Variants in CTCF observed in about 807,000 individuals in gnomAD.
CTCF encodes transcriptional repressor CTCF.
In CTCF, 7 loss-of-function variants were observed where a neutral mutation model predicts 72.3. That is an observed-to-expected ratio of 0.10 (90% CI 0.06 to 0.18). The LOEUF (loss-of-function observed/expected upper bound fraction) is 0.18, where lower values mean the gene tolerates loss of function less well. Ranked by LOEUF, CTCF falls within the 10% of genes least tolerant of loss-of-function variation. The pLI, the probability that CTCF is intolerant of heterozygous loss-of-function variation, is 1.00. For synonymous variants in CTCF, 374 were observed against 315.8 expected, an observed-to-expected ratio of 1.18 and a Z score of -1.95; for missense variants, 516 against 949.1, an observed-to-expected ratio of 0.54 and a Z score of 6.00.
rs763046858 is a variant in CTCF, at chr16:67,629,504, G to A, written c.1808G>A (p.Arg603His). Reference protein sequence around the residue: ...KSKRGRKRKMRSKKEDSSDSE... With the variant: ...KSKRGRKRKMHSKKEDSSDSE... ...AAACGTGGAAGAAAAAGAAAGATGCGCTCTAAGAAAGAAGATTCCTCTGAC... is the reference window on the plus strand; with the variant it reads ...AAACGTGGAAGAAAAAGAAAGATGCACTCTAAGAAAGAAGATTCCTCTGAC... Residue 603 changes from arginine (R) to histidine (H), a missense_variant, in exon 10 of 12, where the codon CGC becomes CAC. By Grantham distance (29) the Arg-to-His change is conservative. This residue lies in a region of CTCF where 157 missense variants were observed against 172.9 expected (regional missense o/e 0.91). Coordinates refer to ENST00000264010, the MANE Select transcript of CTCF (RefSeq NM_006565.4). The A allele has an allele frequency of 1.1e-5, 18 of 1,613,342 alleles. No homozygotes were observed. The highest frequency in any genetic ancestry group is 2.2e-5 in the East Asian group (1 of 44,860).
At chr16:67,562,821 C>T (rs2051292668) in intron 1 of CTCF, 97 bp downstream of exon 1, 1 of 149,514 alleles carries the variant, frequency 6.7e-6, no homozygotes, top group South Asian at 1.9e-4. Flanking sequence ...GGCGCCAGCG[C>T]CGCCGCCGGG....
chr16:67,564,957 C>T (rs916893968), intron 1 of CTCF, among the ~76,000 whole-genome samples: 3 of 151,812 alleles, frequency 2.0e-5, no homozygotes, highest in Non-Finnish European at 4.4e-5. Flanking sequence ...AAACAATCTA[C>T]GGAGAGAATA....
At chr16:67,633,810 A>ACACACTCT (rs1379810111) in intron 10 of CTCF, among the ~76,000 whole-genome samples, 2 of 151,678 alleles carry the variant, frequency 1.3e-5, no homozygotes, top group Non-Finnish European at 2.9e-5. Context: ...ACACACACAC[A>ACACACTCT]CACACTCTCA....
chr16:67,565,206 T>C (rs2142699174), intron 1 of CTCF, among the ~76,000 whole-genome samples: 1 of 152,116 alleles, frequency 6.6e-6, no homozygotes, highest in Admixed American at 6.5e-5. Flanking sequence ...TTCACGATGT[T>C]GGCCAGGCTG....
intron 2 of CTCF, among the ~76,000 whole-genome samples, chr16:67,586,324 C>T (rs762259970): frequency 1.3e-5 from 2 of 152,050 alleles, no homozygotes; most frequent in Non-Finnish European, 2.9e-5. Context: ...ATCACAAGGT[C>T]AAGAATTCGA....
At chr16:67,584,834 T>C (rs751178803) in intron 2 of CTCF, among the ~76,000 whole-genome samples, 4 of 152,204 alleles carry the variant, frequency 2.6e-5, no homozygotes, top group Non-Finnish European at 5.9e-5. Flanking sequence ...CAAGTGCTTA[T>C]GCCTTTTTTG....
intron 10 of CTCF, among the ~76,000 whole-genome samples, chr16:67,634,738 C>T (rs1168365316): frequency 6.7e-6 from 1 of 149,562 alleles, no homozygotes; most frequent in Non-Finnish European, 1.5e-5. Flanking sequence ...GAATCTCACT[C>T]TGTTGCCCAG....
At chr16:67,635,957 C>G (rs1290878558) in intron 10 of CTCF, among the ~76,000 whole-genome samples, 1 of 152,014 alleles carries the variant, frequency 6.6e-6, no homozygotes, top group African/African-American at 2.4e-5. Flanking sequence ...ATTGGCTGAG[C>G]ATGCTGGCTC....
Position 67,610,892 on chromosome 16 carries a change from G to A in CTCF, c.60G>A (p.Lys20=). 6.6e-7 allele frequency: 1 copy of A among 1,514,208 alleles called. No individual in the cohort carries two copies. The highest frequency in any genetic ancestry group is 1.4e-5 in the South Asian group (1 of 72,662). The allele number at this position is 1,514,208 out of a possible 1,614,324, so 93.8% of individuals were successfully genotyped here. ...AGTCCGAAACTTTTATTAAAGGAAA[G>A]GAGAGAAAGACTTACCAGAGACGCC... The part of the protein sequence containing the change: ...VEESETFIKG[K]ERKTYQRRRE... Residue 20 remains lysine (K), a synonymous_variant, in exon 3 of 12, where the codon AAG becomes AAA. Transcript: ENST00000264010.
intron 2 of CTCF, among the ~76,000 whole-genome samples, chr16:67,603,542 AGG>A (rs1255070049): frequency 6.6e-6 from 1 of 150,642 alleles, no homozygotes; most frequent in Non-Finnish European, 1.5e-5. Context: ...CAAAAAAAAA[AGG>A]CTGGGTGTGG....
chr16:67,621,935 T>C (rs1053493004), intron 7 of CTCF, among the ~76,000 whole-genome samples: 1 of 152,138 alleles, frequency 6.6e-6, no homozygotes, highest in African/African-American at 2.4e-5. Context: ...ACTCAGGTCA[T>C]TCTATTGTAT....
chr16:67,579,248 C>T lies in CTCF; in HGVS notation c.-10+7984C>T, dbSNP rs189660779. On this transcript the variant is annotated intron_variant, in intron 2 of 11. Transcript: ENST00000264010. ...AGCCTGGGCAACAAGAGTGAAACTCCGTCTCAAAATAAATAAATAAATAAT... is the reference window on the plus strand; with the variant it reads ...AGCCTGGGCAACAAGAGTGAAACTCTGTCTCAAAATAAATAAATAAATAAT... 5.3e-5 allele frequency among the ~76,000 whole-genome samples: 8 copies of T among 151,952 alleles called. No homozygotes were observed. In the East Asian group the frequency reaches 5.8e-4, roughly 11 times the overall value.
chr16:67,612,190 G>A (rs753438195), intron 4 of CTCF, 69 bp downstream of exon 4: 2 of 1,420,100 alleles, frequency 1.4e-6, no homozygotes, highest in Non-Finnish European at 1.9e-6. Flanking sequence ...ATTCATTCAA[G>A]CTGACTCCAG....
intron 4 of CTCF, 183 bp from the exon 5 acceptor site, chr16:67,616,562 A>C (rs781331444): frequency 6.3e-6 from 4 of 634,162 alleles, no homozygotes; most frequent in Non-Finnish European, 1.1e-5. Context: ...TCCTGGTGTT[A>C]GTATAAATTC....
At chr16:67,599,254 GC>G (rs2051855422) in intron 2 of CTCF, among the ~76,000 whole-genome samples, 1 of 152,310 alleles carries the variant, frequency 6.6e-6, no homozygotes, top group South Asian at 2.1e-4. Context: ...AACTAGTTGG[GC>G]CTGGTGGCAC....
chr16:67,637,620 C>G, intron 11 of CTCF, 68 bp from the exon 12 acceptor site: 1 of 1,407,204 alleles, frequency 7.1e-7, no homozygotes, highest in Non-Finnish European at 9.8e-7. Flanking sequence ...CGCTGTCAGT[C>G]TAAAAGACCC....
In CTCF at chr16:67,601,256, TTTG is replaced by T. The variant is rs1468028314; in HGVS notation, c.-9-9565_-9-9563del. ...TGTGTGTGTGTGTGTGTGTGTGTGTTTTGTTTTGTTTTTTAAGACAGAGTCTCA... is the reference window on the plus strand; with the variant it reads ...TGTGTGTGTGTGTGTGTGTGTGTGTTTTTTGTTTTTTAAGACAGAGTCTCA... On this transcript the variant is annotated intron_variant, in intron 2 of 11. Transcript: ENST00000264010. 2.2e-3 allele frequency among the ~76,000 whole-genome samples: 253 copies of T among 115,794 alleles called. 1 individual carries two copies. The highest frequency in any genetic ancestry group is 7.0e-3 in the South Asian group (24 of 3,422). 76.0% of individuals were successfully genotyped at this position (115,794 alleles called of 152,430 possible). A position where few individuals can be genotyped will look rare whatever the true frequency, so the allele number is the denominator to read the frequency against.
At chr16:67,587,984 A>G (rs2051690633) in intron 2 of CTCF, among the ~76,000 whole-genome samples, 1 of 151,852 alleles carries the variant, frequency 6.6e-6, no homozygotes, top group African/African-American at 2.4e-5. Flanking sequence ...GAGCCTCCTG[A>G]GTAGCTGGGA....
At chr16:67,616,654 C>G (rs561103789) in intron 4 of CTCF, 91 bp from the exon 5 acceptor site, 43 of 1,439,756 alleles carry the variant, frequency 3.0e-5, no homozygotes, top group Non-Finnish European at 4.0e-5. Flanking sequence ...AATAGGGTTC[C>G]AGTCTCATAG....
Sources: gnomAD v4.1 joint callset for allele counts (sites outside exome capture counted in the v4.1 genomes callset) on GRCh38, gnomAD v4.1.1 for gene constraint, gnomAD v4.1.1 regional missense constraint, MANE v1.5 for transcripts, NCBI Gene and HGNC (gene_info 2026-07-23, HGNC 2026-07-21) for gene names.